EDRF1: variants seen among roughly 807,000 people sequenced by gnomAD.
EDRF1 encodes erythroid differentiation regulatory factor 1, also known as erythroid differentiation-related factor 1.
In EDRF1, 69 loss-of-function variants were observed where a neutral mutation model predicts 148.7. The ratio of observed to expected loss-of-function variants is 0.46; its 90% CI spans 0.38 to 0.57. EDRF1 has a LOEUF of 0.57. EDRF1 is among the 20% of genes least tolerant of loss of function. The pLI is 0.00. For synonymous variants in EDRF1, 515 were observed against 532.8 expected (o/e 0.97, Z 0.46); for missense variants, 1,118 against 1,478.7 (o/e 0.76, Z 4.00).
intron 13 of EDRF1, 102 bp from the exon 14 acceptor site, chr10:125,737,816 T>C: frequency 8.6e-7 from 1 of 1,162,078 alleles, no homozygotes; most frequent in Non-Finnish European, 1.3e-6. Flanking sequence ...TTAAGCAAGA[T>C]TTTTGTTGAT....
intron 1 of EDRF1, among the ~76,000 whole-genome samples, 171 bp from the exon 2 acceptor site, chr10:125,721,033 G>T (rs1847970722): frequency 6.6e-6 from 1 of 152,106 alleles, no homozygotes; most frequent in South Asian, 2.1e-4. Context: ...TGGTGTAAAA[G>T]AACTAAGTAA....
chr10:125,734,989 A>G (rs1272007276), intron 12 of EDRF1, among the ~76,000 whole-genome samples: 1 of 152,160 alleles, frequency 6.6e-6, no homozygotes, highest in East Asian at 1.9e-4. Flanking sequence ...ATAGTAAAAC[A>G]TTTTGTTTCT....
chr10:125,754,617 G>T (rs994995674), intron 24 of EDRF1, among the ~76,000 whole-genome samples: 7 of 152,210 alleles, frequency 4.6e-5, no homozygotes, highest in Non-Finnish European at 2.9e-5. Flanking sequence ...TAATGGCCCT[G>T]AGTCATCTTG....
intron 18 of EDRF1, chr10:125,745,242 A>T (rs997079699): frequency 2.1e-5 from 4 of 192,178 alleles, no homozygotes; most frequent in Non-Finnish European, 3.3e-5. Context: ...TGTGTCATAG[A>T]TCTGGAGACT....
intron 15 of EDRF1, among the ~76,000 whole-genome samples, chr10:125,740,110 A>G (rs936397161): frequency 5.9e-5 from 9 of 152,220 alleles, no homozygotes; most frequent in Non-Finnish European, 1.2e-4. Context: ...ATGTTTGAGG[A>G]CAGGCTTTCA....
chr10:125,728,784 TTGAG>T (rs1211824815), intron 6 of EDRF1, among the ~76,000 whole-genome samples: 1 of 152,246 alleles, frequency 6.6e-6, no homozygotes. Flanking sequence ...TCTATCTCTC[TTGAG>T]TAAGATCTAA....
intron 9 of EDRF1, 56 bp from the exon 10 acceptor site, chr10:125,733,348 G>C: frequency 7.2e-7 from 1 of 1,391,442 alleles, no homozygotes; most frequent in Non-Finnish European, 9.9e-7. Context: ...AAAAAGAAAG[G>C]TGTTGTTTCC....
chr10:125,751,720 C>T (rs1167938807), intron 22 of EDRF1, among the ~76,000 whole-genome samples: 1 of 152,224 alleles, frequency 6.6e-6, no homozygotes, highest in Non-Finnish European at 1.5e-5. Context: ...AGACCACCCT[C>T]AGGTTTGAGA....
At chr10:125,761,244 A>G (rs981650256) in intron 24 of EDRF1, 2 of 411,792 alleles carry the variant, frequency 4.9e-6, no homozygotes, top group Non-Finnish European at 9.6e-6. Flanking sequence ...CAGGCATTTC[A>G]TCATCATATG....
At chr10:125,739,355 T>A (rs865841784) in intron 15 of EDRF1, among the ~76,000 whole-genome samples, 9 of 152,338 alleles carry the variant, frequency 5.9e-5, no homozygotes, top group South Asian at 4.1e-4. Context: ...ATGCCTTTTC[T>A]GTCTCCTTCT....
chr10:125,740,342 A>G, intron 15 of EDRF1, 121 bp from the exon 16 acceptor site: 1 of 1,023,532 alleles, frequency 9.8e-7, no homozygotes, highest in Admixed American at 2.0e-5. Context: ...AAAGCATAGT[A>G]TTTACCAGTC....
chr10:125,735,513 G>A (rs1380180599), intron 12 of EDRF1, 131 bp from the exon 13 acceptor site: 1 of 834,922 alleles, frequency 1.2e-6, no homozygotes, highest in East Asian at 2.7e-5. Flanking sequence ...GAACATTTCT[G>A]TGTGTGTTAC....
chr10:125,740,883 C>T, intron 16 of EDRF1, 118 bp from the exon 17 acceptor site: 1 of 1,202,492 alleles, frequency 8.3e-7, no homozygotes, highest in Non-Finnish European at 1.2e-6. Context: ...CTAAAATAAA[C>T]AGAATAGATA....
At position 125,753,976 on chromosome 10, in the gene EDRF1, G is replaced by T. The variant is rs1849767025; in HGVS notation, c.3545+131G>T. 2.4e-5 allele frequency: 23 copies of T among 972,254 alleles called. 1 individual carries two copies. In the South Asian group the frequency reaches 3.2e-4, roughly 13 times the overall value. 60.2% of individuals were successfully genotyped at this position (972,254 alleles called of 1,614,324 possible). On this transcript the variant is annotated intron_variant, in intron 24 of 24. Coordinates refer to ENST00000356792, the MANE Select transcript of EDRF1 (RefSeq NM_001202438.2). ...CACACCTGCAATCCCAGCACTTTGG[G>T]AGGCCAAGGCAGGCAGATCACTTGA...
chr10:125,729,739 A>G (rs1388670522), intron 8 of EDRF1, among the ~76,000 whole-genome samples: 1 of 152,238 alleles, frequency 6.6e-6, no homozygotes, highest in Non-Finnish European at 1.5e-5. Flanking sequence ...CTGTCAGCAG[A>G]TGCTGAAAGG....
chr10:125,739,993 A>G (rs774216162), intron 15 of EDRF1, among the ~76,000 whole-genome samples: 1 of 152,238 alleles, frequency 6.6e-6, no homozygotes, highest in Admixed American at 6.5e-5. Flanking sequence ...AGGCATGTTT[A>G]TAGGTGACAA....
At chr10:125,754,482 G>T (rs1383141200) in intron 24 of EDRF1, among the ~76,000 whole-genome samples, 2 of 152,202 alleles carry the variant, frequency 1.3e-5, no homozygotes, top group Non-Finnish European at 1.5e-5. Flanking sequence ...TCTGAATGTT[G>T]TCATTAATGG....
At chr10:125,753,103 C>A (rs1849721953) in intron 23 of EDRF1, among the ~76,000 whole-genome samples, 189 bp downstream of exon 23, 1 of 152,148 alleles carries the variant, frequency 6.6e-6, no homozygotes, top group Admixed American at 6.5e-5. Context: ...CTTTAATTTG[C>A]AAGTATTTTA....
At position 125,750,176 on chromosome 10, in the gene EDRF1, C is replaced by T. The variant is rs147161452; in HGVS notation, c.3277+611C>T. Among the ~76,000 whole-genome samples, 990 of 152,074 alleles carry T rather than the reference C, an allele frequency of 6.5e-3. 7 individuals are homozygous for T. The highest frequency in any genetic ancestry group is 0.01 in the Non-Finnish European group (710 of 67,942). ...AACAAACAAAAAAAAAGATTTAAAT[C>T]GGCATGAAAAATTTGGGAATGGAGA... On this transcript the variant is annotated intron_variant, in intron 22 of 24. Coordinates refer to ENST00000356792, the MANE Select transcript of EDRF1 (RefSeq NM_001202438.2).
Sources: gnomAD v4.1 joint callset for allele counts (sites outside exome capture counted in the v4.1 genomes callset) on GRCh38, gnomAD v4.1.1 for gene constraint, MANE v1.5 for transcripts, NCBI Gene and HGNC (gene_info 2026-07-23, HGNC 2026-07-21) for gene names.